The following GRIK2 variants were observed in gnomAD, a reference collection of about 807,000 sequenced individuals.
GRIK2 encodes glutamate ionotropic receptor kainate type subunit 2.
GRIK2 carries 32 observed loss-of-function variants against 100.3 expected under a neutral mutation model. That is an observed-to-expected ratio of 0.32 (90% CI 0.24 to 0.43). The LOEUF is 0.43. GRIK2 is among the 20% of genes least tolerant of loss of function. GRIK2 has a pLI of 1.00. For synonymous variants in GRIK2, 417 were observed against 389.4 expected, an observed-to-expected ratio of 1.07 and a Z score of -0.83; for missense variants, 843 against 1,114.9, an observed-to-expected ratio of 0.76 and a Z score of 3.47.
intron 2 of GRIK2, among the ~76,000 whole-genome samples, chr6:101,447,463 T>C (rs1437050598): frequency 1.3e-5 from 2 of 151,730 alleles, no homozygotes; most frequent in Admixed American, 6.6e-5. Context: ...CTCAGGAATT[T>C]TGATTATAAA....
intron 14 of GRIK2, among the ~76,000 whole-genome samples, chr6:102,003,851 GAAGTT>G (rs968522304): frequency 6.6e-6 from 1 of 151,628 alleles, no homozygotes; most frequent in African/African-American, 2.4e-5. Context: ...AGTGTAACTA[GAAGTT>G]AATTTTAAAA....
intron 2 of GRIK2, among the ~76,000 whole-genome samples, chr6:101,523,853 G>T (rs1365321076): frequency 2.0e-5 from 3 of 151,426 alleles, no homozygotes; most frequent in Non-Finnish European, 2.9e-5. Flanking sequence ...CCAAATAGCT[G>T]GGATTACAGG....
chr6:102,022,572 A>G (rs1033302838), intron 14 of GRIK2, among the ~76,000 whole-genome samples: 3 of 151,750 alleles, frequency 2.0e-5, no homozygotes, highest in Non-Finnish European at 4.4e-5. Context: ...GAAATTGGAT[A>G]CATTTTCATG....
chr6:101,799,795 A>G lies in GRIK2; in HGVS notation c.1095+4A>G. 6.2e-7 allele frequency: 1 copy of G among 1,610,626 alleles called. No homozygotes were observed. The highest frequency in any genetic ancestry group is 8.5e-7 in the Non-Finnish European group (1 of 1,177,128). ...CTTTATGAGTCTAATTAAAGAGGTA[A>G]GTTAGGAGAAGAACATCTGCCTTGT... On this transcript the variant is annotated splice_donor_region_variant and intron_variant, in intron 8 of 16. Transcript: ENST00000369134.
intron 2 of GRIK2, among the ~76,000 whole-genome samples, chr6:101,617,504 T>A (rs1340466226): frequency 6.6e-6 from 1 of 151,836 alleles, no homozygotes; most frequent in Non-Finnish European, 1.5e-5. Flanking sequence ...TACAGATTTA[T>A]GTTTATCAGC....
intron 11 of GRIK2, among the ~76,000 whole-genome samples, chr6:101,877,283 G>A (rs1185767189): frequency 6.6e-6 from 1 of 151,890 alleles, no homozygotes; most frequent in Non-Finnish European, 1.5e-5. Context: ...CAATCAACTA[G>A]GGATCGAAAA....
At chr6:101,525,996 T>C (rs1775133588) in intron 2 of GRIK2, among the ~76,000 whole-genome samples, 1 of 152,160 alleles carries the variant, frequency 6.6e-6, no homozygotes, top group African/African-American at 2.4e-5. Flanking sequence ...TAGCAACATA[T>C]ATCAGGATCA....
intron 2 of GRIK2, among the ~76,000 whole-genome samples, chr6:101,424,039 T>G (rs1406384246): frequency 6.6e-6 from 1 of 152,200 alleles, no homozygotes; most frequent in African/African-American, 2.4e-5. Flanking sequence ...TGATTTCTCC[T>G]ATGGAAAATA....
intron 14 of GRIK2, among the ~76,000 whole-genome samples, chr6:102,010,638 C>T (rs1030754995): frequency 1.8e-4 from 28 of 152,046 alleles, no homozygotes; most frequent in Admixed American, 1.4e-3. Context: ...TCCCCTCTGC[C>T]TCCCCAAGTG....
chr6:101,764,581 C>T (rs1396430315), intron 7 of GRIK2, among the ~76,000 whole-genome samples: 2 of 152,030 alleles, frequency 1.3e-5, no homozygotes, highest in African/African-American at 2.4e-5. Context: ...ATATTATGAC[C>T]ATCTTCCCTT....
intron 12 of GRIK2, among the ~76,000 whole-genome samples, chr6:101,899,992 C>T (rs117830044): frequency 6.6e-6 from 1 of 151,824 alleles, no homozygotes; most frequent in Non-Finnish European, 1.5e-5. Context: ...AAATAAGAAA[C>T]ATTAAAAATA....
intron 2 of GRIK2, among the ~76,000 whole-genome samples, chr6:101,536,927 CTTCA>C (rs1226611124): frequency 6.6e-6 from 1 of 151,586 alleles, no homozygotes; most frequent in African/African-American, 2.4e-5. Flanking sequence ...TAATTTTTAT[CTTCA>C]TTAGGAATAA....
intron 4 of GRIK2, among the ~76,000 whole-genome samples, chr6:101,649,037 G>C (rs1362540096): frequency 6.6e-6 from 1 of 152,002 alleles, no homozygotes; most frequent in East Asian, 1.9e-4. Context: ...TCTTCACTTG[G>C]CCACACCCTT....
chr6:101,650,277 A>C (rs1164730337), intron 4 of GRIK2, among the ~76,000 whole-genome samples: 1 of 152,120 alleles, frequency 6.6e-6, no homozygotes, highest in African/African-American at 2.4e-5. Flanking sequence ...GATATTTTCC[A>C]CTGTTTGGCT....
intron 10 of GRIK2, among the ~76,000 whole-genome samples, chr6:101,819,254 G>A (rs1458346732): frequency 6.6e-6 from 1 of 152,100 alleles, no homozygotes; most frequent in East Asian, 1.9e-4. Context: ...TCCTCAGGTA[G>A]TCAGTAAAAA....
intron 10 of GRIK2, among the ~76,000 whole-genome samples, chr6:101,846,743 G>C (rs1001968101): frequency 6.6e-6 from 1 of 152,014 alleles, no homozygotes; most frequent in Non-Finnish European, 1.5e-5. Context: ...TTTGATAGCA[G>C]TGTCTCTGTA....
intron 2 of GRIK2, among the ~76,000 whole-genome samples, chr6:101,506,121 G>A (rs1562187413): frequency 3.3e-5 from 5 of 152,146 alleles, no homozygotes; most frequent in Non-Finnish European, 5.9e-5. Context: ...TTTTACAGAT[G>A]AGGTCTAAGC....
Position 101,993,843 on chromosome 6 carries a change from A to G in GRIK2, c.2086-41498A>G, listed in dbSNP as rs993958314. On this transcript the variant is annotated intron_variant, in intron 14 of 16. Transcript: ENST00000369134. ...AAATAAATATATATGTTCTACTAGC[A>G]AATAATGTATTTGCTCTATTATTTA... 1.7e-4 allele frequency: 25 copies of G among 148,028 alleles called. 2 individuals are homozygous for G. The East Asian group carries it at 5.0e-3, about 29-fold the overall frequency. The allele number at this position is 148,028 out of a possible 1,614,324, so 9.2% of individuals were successfully genotyped here. A position where few individuals can be genotyped will look rare whatever the true frequency, so the allele number is the denominator to read the frequency against.
At chr6:101,622,267 C>T (rs367899013) in intron 3 of GRIK2, 151 bp downstream of exon 3, 97 of 540,394 alleles carry the variant, frequency 1.8e-4, no homozygotes, top group African/African-American at 1.8e-3. Context: ...TAAATTTTAT[C>T]AGAGAAGATA....
Sources: gnomAD v4.1 joint callset for allele counts (sites outside exome capture counted in the v4.1 genomes callset) on GRCh38, gnomAD v4.1.1 for gene constraint, MANE v1.5 for transcripts, NCBI Gene and HGNC (gene_info 2026-07-23, HGNC 2026-07-21) for gene names.